The following BEND3 variants were observed in gnomAD, a reference collection of about 807,000 sequenced individuals.
BEND3 encodes the protein BEN domain-containing protein 3.
A neutral mutation model predicts 60.1 loss-of-function variants in BEND3; 13 were observed. The observed-to-expected ratio is 0.22, with a 90% CI of 0.14 to 0.34. The LOEUF is 0.34. Among genes scored for constraint, BEND3 ranks in the 10% least tolerant of loss-of-function variants. BEND3 has a pLI of 1.00. For missense variants in BEND3, 896 were observed against 1,138.1 expected (o/e 0.79, Z 3.06); for synonymous variants, 497 against 491.5 (o/e 1.01, Z -0.15).
chr6:107,073,801 T>C (rs1331829304), intron 3 of BEND3, among the ~76,000 whole-genome samples: 1 of 151,702 alleles, frequency 6.6e-6, no homozygotes, highest in Non-Finnish European at 1.5e-5. Flanking sequence ...GTAGGAGGAT[T>C]GCTTCAGCCT....
chr6:107,092,215 C>T (rs544401072), intron 3 of BEND3, among the ~76,000 whole-genome samples: 1 of 152,002 alleles, frequency 6.6e-6, no homozygotes, highest in South Asian at 2.1e-4. Context: ...CGAGATCACA[C>T]CACTGCACTC....
intron 1 of BEND3, among the ~76,000 whole-genome samples, chr6:107,108,718 C>T (rs1242518508): frequency 1.3e-5 from 2 of 152,170 alleles, no homozygotes; most frequent in Non-Finnish European, 2.9e-5. Flanking sequence ...TGCCCTGATA[C>T]TGATGCAACT....
rs561260847 is a variant in BEND3 at position 107,102,404 on chromosome 6, T to C, written c.-11-3108A>G. 1.7e-3 allele frequency among the ~76,000 whole-genome samples: 263 copies of C among 152,320 alleles called. 1 individual carries two copies. The highest frequency in any genetic ancestry group is 5.9e-3 in the African/African-American group (247 of 41,576). ...CCATGTGACCCTACAGCAGGCAATT[T>C]GGCCTCTGAATTTTGAGCCCCTATA... On this transcript the variant is annotated intron_variant, in intron 1 of 3. Transcript: ENST00000369042.
intron 1 of BEND3, among the ~76,000 whole-genome samples, chr6:107,112,617 G>A (rs1770132567): frequency 6.6e-6 from 1 of 152,170 alleles, no homozygotes; most frequent in Non-Finnish European, 1.5e-5. Context: ...ACTTTGGGAG[G>A]CCGAAGCTGG....
Position 107,068,727 on chromosome 6 carries a change from T to C in BEND3, c.2464A>G (p.Lys822Glu). 3 of 1,613,706 alleles carry C rather than the reference T, an allele frequency of 1.9e-6. No homozygotes were observed. Among genetic ancestry groups the C allele is most frequent in the Non-Finnish European group, 1.7e-6 (2 of 1,179,988 alleles). Residue 822 changes from lysine (K) to glutamate (E), a missense_variant, in exon 4 of 4, where the codon AAA becomes GAA. By Grantham distance (56) the Lys-to-Glu change is moderately conservative. Coordinates refer to ENST00000369042, the MANE Select transcript of BEND3 (RefSeq NM_001367314.1). The surrounding 1 kb of genome is among the most constrained non-coding windows in gnomAD (Gnocchi z 5.8). ...PNRKKCDILK[K>E]AKKVEK Reference sequence around the variant, plus strand: ...CTTCACTTCTCCACTTTCTTTGCTTTCTTGAGGATGTCGCATTTTTTCCTG... The same window carrying C: ...CTTCACTTCTCCACTTTCTTTGCTTCCTTGAGGATGTCGCATTTTTTCCTG...
intron 3 of BEND3, among the ~76,000 whole-genome samples, chr6:107,087,206 CT>C (rs1293942656): frequency 1.3e-5 from 2 of 151,838 alleles, no homozygotes; most frequent in African/African-American, 4.8e-5. Flanking sequence ...GTAATCCTAA[CT>C]ATTTGGCAGG....
At chr6:107,108,416 A>C (rs1775868695) in intron 1 of BEND3, among the ~76,000 whole-genome samples, 1 of 152,232 alleles carries the variant, frequency 6.6e-6, no homozygotes, top group Non-Finnish European at 1.5e-5. Flanking sequence ...CTGAGGCTCA[A>C]GGTGGAAGGA....
At chr6:107,076,406 T>G (rs1554232780) in intron 3 of BEND3, among the ~76,000 whole-genome samples, 1 of 152,120 alleles carries the variant, frequency 6.6e-6, no homozygotes, top group Non-Finnish European at 1.5e-5. Context: ...GGCGTTTCAT[T>G]CAGCCACCAG....
At chr6:107,077,607 G>C (rs1386792251) in intron 3 of BEND3, among the ~76,000 whole-genome samples, 2 of 152,126 alleles carry the variant, frequency 1.3e-5, no homozygotes, top group African/African-American at 4.8e-5. Context: ...CTATAATGAA[G>C]GGAAAAGAGG....
chr6:107,098,070 G>C (rs1775625066), intron 3 of BEND3, among the ~76,000 whole-genome samples: 1 of 152,160 alleles, frequency 6.6e-6, no homozygotes, highest in Admixed American at 6.6e-5. Context: ...AGCACTTTGG[G>C]AGGCCAAGTC....
At chr6:107,079,414 GT>G (rs571256473) in intron 3 of BEND3, among the ~76,000 whole-genome samples, 46 of 152,306 alleles carry the variant, frequency 3.0e-4, no homozygotes, top group Admixed American at 1.5e-3. Context: ...AAGGTGGAGG[GT>G]CTAATTGAGC....
chr6:107,103,680 G>A (rs1775747845), intron 1 of BEND3, among the ~76,000 whole-genome samples: 1 of 151,070 alleles, frequency 6.6e-6, no homozygotes, highest in Admixed American at 6.9e-5. Flanking sequence ...CAGGCACGGT[G>A]GCACACGCCT....
chr6:107,092,216 C>T (rs369830344), intron 3 of BEND3, among the ~76,000 whole-genome samples: 14 of 151,754 alleles, frequency 9.2e-5, no homozygotes, highest in African/African-American at 3.4e-4. Flanking sequence ...GAGATCACAC[C>T]ACTGCACTCC....
At chr6:107,114,387 G>A (rs1178694512) in intron 1 of BEND3, 1 of 152,044 alleles carries the variant, frequency 6.6e-6, no homozygotes, top group Non-Finnish European at 1.5e-5. Flanking sequence ...AACCGCCGTG[G>A]AACGGCCGGG....
intron 3 of BEND3, among the ~76,000 whole-genome samples, chr6:107,096,106 G>A (rs7752489): frequency 0.46 from 69,417 of 151,976 alleles, 16,188 homozygotes; most frequent in Middle Eastern, 0.53. Context: ...TGTTGACAAT[G>A]GGGGAGGTTA....
chr6:107,104,782 C>T (rs1315303815), intron 1 of BEND3, among the ~76,000 whole-genome samples: 3 of 151,846 alleles, frequency 2.0e-5, no homozygotes, highest in African/African-American at 7.3e-5. Context: ...CATCCTCCCA[C>T]CTCAGCCTCC....
chr6:107,071,649 A>G (rs115242855), intron 3 of BEND3, among the ~76,000 whole-genome samples: 2,745 of 152,308 alleles, frequency 0.018, 81 homozygotes, highest in African/African-American at 0.06. Context: ...TTTCTGAAAA[A>G]TCCACAAGTA....
intron 1 of BEND3, among the ~76,000 whole-genome samples, chr6:107,106,723 T>G (rs1448659020): frequency 2.6e-5 from 4 of 152,048 alleles, no homozygotes; most frequent in Non-Finnish European, 5.9e-5. Context: ...GATTCTCCCA[T>G]CTCAGCCTGT....
At chr6:107,075,414 A>G (rs1712760165) in intron 3 of BEND3, among the ~76,000 whole-genome samples, 1 of 152,246 alleles carries the variant, frequency 6.6e-6, no homozygotes, top group Admixed American at 6.5e-5. Flanking sequence ...AAGGTGATTT[A>G]TAACTGTGGG....
Sources: allele counts gnomAD v4.1 joint callset (sites outside exome capture counted in the v4.1 genomes callset), GRCh38; gene constraint gnomAD v4.1.1; non-coding constraint Gnocchi (gnomAD v3.1); transcripts MANE v1.5; gene names NCBI Gene and HGNC (gene_info 2026-07-23, HGNC 2026-07-21).